Variants in STXBP5L observed in about 807,000 individuals in gnomAD.
The protein encoded by STXBP5L is syntaxin-binding protein 5-like.
STXBP5L carries 65 observed loss-of-function variants against 144.5 expected under a neutral mutation model. That is an observed-to-expected ratio of 0.45 (90% CI 0.37 to 0.55). STXBP5L has a LOEUF of 0.55. Ranked by LOEUF, STXBP5L falls within the 20% of genes least tolerant of loss-of-function variation. The pLI is 0.00. For missense variants in STXBP5L, 1,298 were observed against 1,405.5 expected (o/e 0.92, Z 1.22); for synonymous variants, 505 against 469.6 (o/e 1.08, Z -0.97).
At chr3:121,210,703 C>A (rs1269024913) in intron 10 of STXBP5L, among the ~76,000 whole-genome samples, 2 of 152,160 alleles carry the variant, frequency 1.3e-5, no homozygotes, top group Non-Finnish European at 2.9e-5. Context: ...TTCCCCATTT[C>A]TTGTTTTTGT....
At chr3:121,381,573 T>C (rs2046325753) in intron 22 of STXBP5L, 41 bp downstream of exon 22, 2 of 1,572,286 alleles carry the variant, frequency 1.3e-6, no homozygotes, top group Non-Finnish European at 8.6e-7. Context: ...TGTTACTTTT[T>C]CAAATTTAGA....
intron 7 of STXBP5L, among the ~76,000 whole-genome samples, chr3:121,141,948 A>G (rs2045526054): frequency 6.6e-6 from 1 of 152,088 alleles, no homozygotes; most frequent in African/African-American, 2.4e-5. Context: ...CAATCGAAAG[A>G]TACAAAGTAT....
chr3:121,378,826 C>A lies in STXBP5L; in HGVS notation c.2287C>A (p.Pro763Thr), dbSNP rs753570694. Residue 763 changes from proline to threonine, a missense_variant, in exon 21 of 27, where the codon CCA becomes ACA. Coordinates refer to ENST00000471454, the MANE Select transcript of STXBP5L (RefSeq NM_001308330.2). ...AAATCGCTGGGGTCCTGGAAGACCA[C>A]CATTTCGAAAGGCCCAGTCAGCAGC... ...KVNRWGPGRP[P>T]FRKAQSAACM... 1 of 1,613,678 alleles carries A rather than the reference C, an allele frequency of 6.2e-7. No homozygotes were observed. Among genetic ancestry groups the A allele is most frequent in the East Asian group, 2.2e-5 (1 of 44,850 alleles).
chr3:121,401,897 A>AG (rs1292949679), intron 22 of STXBP5L, among the ~76,000 whole-genome samples: 2 of 126,420 alleles, frequency 1.6e-5, no homozygotes, highest in African/African-American at 6.0e-5. Context: ...AGTATAATAA[A>AG]AAAAAAAAAA....
chr3:121,107,069 C>T (rs191903264), intron 5 of STXBP5L, among the ~76,000 whole-genome samples: 27 of 148,364 alleles, frequency 1.8e-4, no homozygotes, highest in African/African-American at 6.4e-4. Context: ...CATGTCTTTG[C>T]CCACTTTTTA....
chr3:121,194,909 CTTTTT>C (rs10717806), intron 9 of STXBP5L, among the ~76,000 whole-genome samples: 2 of 68,482 alleles, frequency 2.9e-5, no homozygotes, highest in African/African-American at 6.2e-5. Context: ...TCTTTTCACT[CTTTTT>C]TTTTTTTTTT....
At chr3:120,977,403 C>T (rs1053394253) in intron 3 of STXBP5L, among the ~76,000 whole-genome samples, 2 of 152,070 alleles carry the variant, frequency 1.3e-5, no homozygotes, top group Non-Finnish European at 2.9e-5. Context: ...GCTTGTAGAT[C>T]TTCCTTCATC....
At chr3:121,067,117 C>G (rs185213113) in intron 5 of STXBP5L, among the ~76,000 whole-genome samples, 1 of 151,844 alleles carries the variant, frequency 6.6e-6, no homozygotes, top group Admixed American at 6.6e-5. Flanking sequence ...TTTCAAAGTA[C>G]TGATAGAATT....
At chr3:121,362,155 C>T (rs1449244876) in intron 20 of STXBP5L, among the ~76,000 whole-genome samples, 2 of 152,234 alleles carry the variant, frequency 1.3e-5, no homozygotes, top group Non-Finnish European at 2.9e-5. Flanking sequence ...CTCTCTCTCT[C>T]TCTATTCTAA....
chr3:121,179,856 G>A (rs551905509), intron 9 of STXBP5L, among the ~76,000 whole-genome samples: 54 of 152,138 alleles, frequency 3.5e-4, no homozygotes, highest in Admixed American at 5.9e-4. Context: ...TGAAGACAAG[G>A]CTTTCGAATT....
chr3:121,060,231 A>G (rs1027833595), intron 5 of STXBP5L, among the ~76,000 whole-genome samples: 3 of 152,124 alleles, frequency 2.0e-5, no homozygotes, highest in African/African-American at 7.2e-5. Flanking sequence ...GGAGGTAATC[A>G]TGTGGTTTCT....
chr3:121,365,485 T>A (rs544406349), intron 20 of STXBP5L, among the ~76,000 whole-genome samples: 1 of 151,988 alleles, frequency 6.6e-6, no homozygotes, highest in African/African-American at 2.4e-5. Flanking sequence ...TTTGTATTTC[T>A]TTGTGACTTG....
chr3:121,138,897 A>G (rs1244502406), intron 7 of STXBP5L, among the ~76,000 whole-genome samples: 1 of 152,044 alleles, frequency 6.6e-6, no homozygotes, highest in Non-Finnish European at 1.5e-5. Context: ...GTTAAAATAG[A>G]CAAATGAGAT....
intron 3 of STXBP5L, among the ~76,000 whole-genome samples, chr3:120,986,579 G>T (rs1942306059): frequency 6.6e-6 from 1 of 151,786 alleles, no homozygotes; most frequent in African/African-American, 2.4e-5. Flanking sequence ...GAAACATTTT[G>T]TTAATATGTA....
At chr3:121,109,917 G>T (rs747738601) in intron 5 of STXBP5L, among the ~76,000 whole-genome samples, 4 of 152,164 alleles carry the variant, frequency 2.6e-5, no homozygotes, top group Non-Finnish European at 5.9e-5. Flanking sequence ...AGAAATTTAG[G>T]ATAGTTAGCT....
chr3:120,948,575 C>T (rs986755392), intron 2 of STXBP5L, among the ~76,000 whole-genome samples: 3 of 151,796 alleles, frequency 2.0e-5, no homozygotes, highest in Non-Finnish European at 2.9e-5. Flanking sequence ...TCCTCCTGAG[C>T]CCCCAAAATC....
intron 5 of STXBP5L, among the ~76,000 whole-genome samples, chr3:121,081,789 G>T (rs1298798410): frequency 6.6e-6 from 1 of 152,146 alleles, no homozygotes; most frequent in African/African-American, 2.4e-5. Context: ...GTTGGCTGGG[G>T]GAGCTCTCAA....
chr3:121,113,342 G>A (rs2044082356), intron 5 of STXBP5L, among the ~76,000 whole-genome samples: 1 of 152,048 alleles, frequency 6.6e-6, no homozygotes, highest in Non-Finnish European at 1.5e-5. Context: ...ACCTAAGATT[G>A]AATTGAAAAT....
intron 9 of STXBP5L, among the ~76,000 whole-genome samples, chr3:121,164,197 A>G (rs919520453): frequency 3.3e-5 from 5 of 152,206 alleles, no homozygotes; most frequent in African/African-American, 9.6e-5. Flanking sequence ...GGATCTGAAT[A>G]CACATTTCTC....
Sources: allele counts gnomAD v4.1 joint callset (sites outside exome capture counted in the v4.1 genomes callset), GRCh38; gene constraint gnomAD v4.1.1; transcripts MANE v1.5; gene names NCBI Gene and HGNC (gene_info 2026-07-23, HGNC 2026-07-21).